FSTL1: variants seen among roughly 807,000 people sequenced by gnomAD.
The protein encoded by FSTL1 is follistatin like 1, also known as follistatin-related protein 1.
A neutral mutation model predicts 45.9 loss-of-function variants in FSTL1; 24 were observed. The ratio of observed to expected loss-of-function variants is 0.52; its 90% CI spans 0.38 to 0.74. FSTL1 has a LOEUF of 0.74. Among genes scored for constraint, FSTL1 ranks in the 30% least tolerant of loss-of-function variants. The pLI, the probability that FSTL1 is intolerant of heterozygous loss-of-function variation, is 0.00. For missense variants in FSTL1, 340 were observed against 381.8 expected, an observed-to-expected ratio of 0.89 and a Z score of 0.91; for synonymous variants, 120 against 137.6, an observed-to-expected ratio of 0.87 and a Z score of 0.89.
rs1937006994 is a variant in FSTL1 at position 120,409,406 on chromosome 3, G to A, written c.462+126C>T. The A allele has an allele frequency of 7.2e-6, 6 of 837,694 alleles. No homozygotes were observed. In the South Asian group the frequency reaches 8.2e-5, roughly 11 times the overall value. 51.9% of individuals were successfully genotyped at this position (837,694 alleles called of 1,614,324 possible). A position where few individuals can be genotyped will look rare whatever the true frequency, so the allele number is the denominator to read the frequency against. ...CACAGCTTCATGAATGATCTATGAT[G>A]AGGAAACTCAGGGTGTCTGTGCAGG... On this transcript the variant is annotated intron_variant, in intron 6 of 10. Transcript: ENST00000295633.
At chr3:120,402,103 C>A (rs1278580275) in intron 9 of FSTL1, among the ~76,000 whole-genome samples, 1 of 152,162 alleles carries the variant, frequency 6.6e-6, no homozygotes, top group Non-Finnish European at 1.5e-5. Flanking sequence ...TACCCTGTAG[C>A]CTCACACTGC....
intron 6 of FSTL1, 23 bp from the exon 7 acceptor site, chr3:120,404,994 G>T (rs557810477): frequency 4.2e-6 from 5 of 1,197,720 alleles, no homozygotes; most frequent in South Asian, 3.6e-5. Flanking sequence ...TGACAAGATC[G>T]TTCAGGGATG....
At position 120,395,782 on chromosome 3, in the gene FSTL1, C is replaced by T; in HGVS notation, c.*1170G>A. 1.9e-6 allele frequency: 1 copy of T among 520,588 alleles called. No homozygotes were observed. The highest frequency in any genetic ancestry group is 1.4e-5 in the South Asian group (1 of 69,098). 32.2% of individuals were successfully genotyped at this position (520,588 alleles called of 1,614,324 possible). The stretch of plus-strand genomic sequence containing the variant: ...AAATCAAAAGGTTAGTGCATTCTTA[C>T]CAGCTCACTGAGGAAACTGAGGTCC... On this transcript the variant is annotated 3_prime_UTR_variant, in exon 11 of 11. Transcript: ENST00000295633.
intron 2 of FSTL1, among the ~76,000 whole-genome samples, chr3:120,431,594 G>A (rs1339956449): frequency 6.6e-6 from 1 of 152,060 alleles, no homozygotes; most frequent in Non-Finnish European, 1.5e-5. Context: ...AGGCCAAGGC[G>A]AGACGATTCC....
chr3:120,409,667 A>G lies in FSTL1; in HGVS notation c.332-5T>C, dbSNP rs1937013268. The G allele has an allele frequency of 1.2e-6, 2 of 1,613,800 alleles. No individual in the cohort carries two copies. Among genetic ancestry groups the G allele is most frequent in the Admixed American group, 3.3e-5 (2 of 60,014 alleles). On this transcript the variant is annotated splice_polypyrimidine_tract_variant and splice_region_variant and intron_variant, in intron 5 of 10. Transcript: ENST00000295633. ...GGTTGGACTGATAGCAAACAACTGC[A>G]GGAAAGTGGAGGATGTCAGCTGGAG...
At chr3:120,403,929 A>AAAAAAC (rs1936883069) in intron 7 of FSTL1, among the ~76,000 whole-genome samples, 1 of 128,176 alleles carries the variant, frequency 7.8e-6, no homozygotes. Context: ...TCAAAAAAAA[A>AAAAAAC]AAAAAAAAAA....
chr3:120,417,361 G>C (rs1366656739), intron 2 of FSTL1, among the ~76,000 whole-genome samples: 1 of 152,222 alleles, frequency 6.6e-6, no homozygotes, highest in Non-Finnish European at 1.5e-5. Flanking sequence ...CTGCCACCCA[G>C]AGGCTGCTCT....
chr3:120,392,876 A>G lies in FSTL1; in HGVS notation c.*4076T>C, dbSNP rs917918873. The G allele has an allele frequency of 1.3e-5, 2 of 152,060 alleles. No individual in the cohort carries two copies. The highest frequency in any genetic ancestry group is 4.8e-5 in the African/African-American group (2 of 41,294). 9.4% of individuals were successfully genotyped at this position (152,060 alleles called of 1,614,324 possible). On this transcript the variant is annotated 3_prime_UTR_variant, in exon 11 of 11. Transcript: ENST00000295633. ...TCAAGAGGACTGATGATAACTTGAT[A>G]AAGAAGCTCTAAAATAAAGCTGATC...
In FSTL1 at chr3:120,394,904, A is replaced by G. The variant is rs1208006720; in HGVS notation, c.*2048T>C. The G allele has an allele frequency of 6.6e-6, 1 of 152,224 alleles. No individual in the cohort carries two copies. The highest frequency in any genetic ancestry group is 2.4e-5 in the African/African-American group (1 of 41,452). 9.4% of individuals were successfully genotyped at this position (152,224 alleles called of 1,614,324 possible). ...GTCTTGGATGATAACCATGTTCTAA[A>G]TGACTAGTGAAGAGACACTGTGGTT... On this transcript the variant is annotated 3_prime_UTR_variant, in exon 11 of 11. Transcript: ENST00000295633.
intron 2 of FSTL1, among the ~76,000 whole-genome samples, chr3:120,427,759 C>G (rs1332313722): frequency 6.6e-6 from 1 of 152,028 alleles, no homozygotes; most frequent in East Asian, 1.9e-4. Flanking sequence ...TTTCCTTTGT[C>G]CACAGTTTAA....
intron 2 of FSTL1, among the ~76,000 whole-genome samples, chr3:120,447,796 G>A (rs1937789911): frequency 6.6e-6 from 1 of 152,174 alleles, no homozygotes; most frequent in Non-Finnish European, 1.5e-5. Flanking sequence ...CCAGAGGCGT[G>A]TGTGCTACCA....
At chr3:120,410,248 G>C (rs1180892600) in intron 5 of FSTL1, 2 of 169,824 alleles carry the variant, frequency 1.2e-5, no homozygotes, top group African/African-American at 2.4e-5. Flanking sequence ...GGGGTGCTGA[G>C]AGTTGAGTGG....
intron 2 of FSTL1, among the ~76,000 whole-genome samples, chr3:120,430,660 C>T (rs1294446961): frequency 1.3e-5 from 2 of 152,178 alleles, no homozygotes; most frequent in African/African-American, 2.4e-5. Context: ...ATCTGCATTT[C>T]CTTATCAATA....
intron 2 of FSTL1, among the ~76,000 whole-genome samples, chr3:120,447,499 A>T (rs1460169797): frequency 6.6e-6 from 1 of 152,132 alleles, no homozygotes; most frequent in Non-Finnish European, 1.5e-5. Flanking sequence ...ATCTGGAGGG[A>T]GGCTGGCTGA....
At chr3:120,442,247 G>A (rs1463221916) in intron 2 of FSTL1, among the ~76,000 whole-genome samples, 3 of 152,192 alleles carry the variant, frequency 2.0e-5, no homozygotes, top group Admixed American at 6.5e-5. Context: ...GGTAAGGAAA[G>A]TGACTTCGGG....
intron 6 of FSTL1, among the ~76,000 whole-genome samples, chr3:120,408,699 G>A (rs1936993026): frequency 1.3e-5 from 2 of 152,228 alleles, no homozygotes; most frequent in South Asian, 2.1e-4. Flanking sequence ...TGTAGGATGT[G>A]TCTCTGTGTG....
intron 7 of FSTL1, among the ~76,000 whole-genome samples, chr3:120,403,931 A>AAAAAAC (rs1936883777): frequency 7.7e-6 from 1 of 130,500 alleles, no homozygotes; most frequent in Non-Finnish European, 1.6e-5. Flanking sequence ...AAAAAAAAAA[A>AAAAAAC]AAAAAAAAAA....
intron 2 of FSTL1, among the ~76,000 whole-genome samples, chr3:120,449,885 C>T (rs1937844255): frequency 6.6e-6 from 1 of 152,320 alleles, no homozygotes; most frequent in East Asian, 1.9e-4. Context: ...TCTGACCTCA[C>T]TTTCCTGGAG....
intron 9 of FSTL1, among the ~76,000 whole-genome samples, chr3:120,400,620 T>C (rs1270218264): frequency 2.0e-5 from 3 of 152,234 alleles, no homozygotes; most frequent in Admixed American, 6.5e-5. Flanking sequence ...GAAACACTTC[T>C]AGGACATATC....
Sources: gnomAD v4.1 joint callset for allele counts (sites outside exome capture counted in the v4.1 genomes callset) on GRCh38, gnomAD v4.1.1 for gene constraint, MANE v1.5 for transcripts, NCBI Gene and HGNC (gene_info 2026-07-23, HGNC 2026-07-21) for gene names.